The following ZFHX3 variants were observed in gnomAD, a reference collection of about 807,000 sequenced individuals.
The protein encoded by ZFHX3 is zinc finger homeobox protein 3.
ZFHX3 carries 42 observed loss-of-function variants against 279.1 expected under a neutral mutation model. The observed-to-expected ratio is 0.15, with a 90% CI of 0.12 to 0.19. The LOEUF is 0.19. ZFHX3 is among the 10% of genes least tolerant of loss of function. The pLI, the probability that ZFHX3 is intolerant of heterozygous loss-of-function variation, is 1.00. For synonymous variants in ZFHX3, 2,293 were observed against 1,957.8 expected, an observed-to-expected ratio of 1.17 and a Z score of -4.52; for missense variants, 4,981 against 4,754.0, an observed-to-expected ratio of 1.05 and a Z score of -1.40.
intron 7 of ZFHX3, among the ~76,000 whole-genome samples, chr16:72,803,480 A>T (rs1007034718): frequency 6.6e-6 from 1 of 152,132 alleles, no homozygotes; most frequent in Non-Finnish European, 1.5e-5. Flanking sequence ...GCCAAATTTC[A>T]GAGGCCCTCA....
intron 1 of ZFHX3, among the ~76,000 whole-genome samples, chr16:73,886,653 A>T (rs938792833): frequency 1.3e-5 from 2 of 152,250 alleles, no homozygotes; most frequent in African/African-American, 4.8e-5. Context: ...CCATTAATCT[A>T]GAGAGTTTTT....
intron 5 of ZFHX3, among the ~76,000 whole-genome samples, chr16:72,816,276 A>C (rs2036604487): frequency 6.6e-6 from 1 of 152,208 alleles, no homozygotes; most frequent in African/African-American, 2.4e-5. Context: ...GGTAAAAGCA[A>C]GTTCTCTCAT....
At chr16:73,543,854 C>CAGAGAGAGAGGG (rs1402198142) in intron 2 of ZFHX3, 1 of 126,724 alleles carries the variant, frequency 7.9e-6, no homozygotes, top group Non-Finnish European at 1.6e-5. Context: ...GGAGGGAGGA[C>CAGAGAGAGAGGG]AGAGAGAGAG....
At chr16:73,129,175 C>T (rs572561761) in intron 7 of ZFHX3, among the ~76,000 whole-genome samples, 2 of 152,166 alleles carry the variant, frequency 1.3e-5, no homozygotes, top group East Asian at 3.9e-4. Context: ...CACTTGAGGT[C>T]GGGAGTTTCT....
intron 1 of ZFHX3, among the ~76,000 whole-genome samples, chr16:73,689,065 GC>G (rs1288876290): frequency 6.6e-6 from 1 of 152,134 alleles, no homozygotes; most frequent in African/African-American, 2.4e-5. Flanking sequence ...AAACACAATG[GC>G]CAAACAAAAC....
chr16:72,923,095 T>C (rs1486943119), intron 3 of ZFHX3, among the ~76,000 whole-genome samples: 2 of 152,064 alleles, frequency 1.3e-5, no homozygotes, highest in Non-Finnish European at 2.9e-5. Context: ...ATGTATATGT[T>C]GTGTACATAA....
intron 2 of ZFHX3, among the ~76,000 whole-genome samples, chr16:73,624,220 C>T (rs575521945): frequency 1.3e-5 from 2 of 152,114 alleles, no homozygotes; most frequent in South Asian, 4.2e-4. Context: ...TTGTTTGAGA[C>T]TCAAGTCATG....
At chr16:72,905,350 G>A (rs1450085742) in intron 3 of ZFHX3, among the ~76,000 whole-genome samples, 2 of 151,998 alleles carry the variant, frequency 1.3e-5, no homozygotes, top group Admixed American at 6.6e-5. Context: ...AAAAGGGCTC[G>A]CCCCTCCCCA....
intron 1 of ZFHX3, among the ~76,000 whole-genome samples, chr16:73,713,585 C>A (rs1303185786): frequency 6.6e-6 from 1 of 151,894 alleles, no homozygotes; most frequent in Non-Finnish European, 1.5e-5. Flanking sequence ...CAGCCAACGG[C>A]AGCCAAACAG....
At chr16:72,954,182 C>T (rs1961133716) in intron 2 of ZFHX3, among the ~76,000 whole-genome samples, 1 of 152,104 alleles carries the variant, frequency 6.6e-6, no homozygotes, top group South Asian at 2.1e-4. Flanking sequence ...CCAGCCTGGC[C>T]AATGTGGTGA....
intron 5 of ZFHX3, among the ~76,000 whole-genome samples, chr16:73,199,719 A>G (rs1311117573): frequency 6.6e-6 from 1 of 152,222 alleles, no homozygotes; most frequent in East Asian, 1.9e-4. Flanking sequence ...CCTTGCTAAC[A>G]CAGGCTCCTT....
At chr16:73,639,331 C>A (rs1251214474) in intron 2 of ZFHX3, among the ~76,000 whole-genome samples, 3 of 151,984 alleles carry the variant, frequency 2.0e-5, no homozygotes, top group Non-Finnish European at 4.4e-5. Flanking sequence ...ACTGTTTATG[C>A]AAGAAAATCC....
At chr16:73,489,470 A>T (rs1056975298) in intron 2 of ZFHX3, among the ~76,000 whole-genome samples, 21 of 152,210 alleles carry the variant, frequency 1.4e-4, no homozygotes, top group Non-Finnish European at 2.5e-4. Flanking sequence ...TCATAGAAGC[A>T]CTAAGATTTG....
At chr16:73,714,885 C>T (rs1055290902) in intron 1 of ZFHX3, among the ~76,000 whole-genome samples, 5 of 152,178 alleles carry the variant, frequency 3.3e-5, no homozygotes, top group African/African-American at 1.2e-4. Flanking sequence ...GTCCTGCTCC[C>T]GCTCATTTAA....
chr16:72,998,785 T>C (rs1206259182), intron 1 of ZFHX3, among the ~76,000 whole-genome samples: 1 of 152,190 alleles, frequency 6.6e-6, no homozygotes, highest in Admixed American at 6.5e-5. Context: ...GCATTAACAA[T>C]TATATTTGGG....
Position 73,561,652 on chromosome 16 carries a change from T to G in ZFHX3, c.-1546-105394A>C, listed in dbSNP as rs143038393. On this transcript the variant is annotated intron_variant, in intron 2 of 17. Coordinates refer to the ZFHX3 transcript ENST00000641206. Reference sequence around the variant, plus strand: ...TCAAAATAACTAGGGTTTATTATTCTTATACTTTACTGAAGACAACTAACT... The same window carrying G: ...TCAAAATAACTAGGGTTTATTATTCGTATACTTTACTGAAGACAACTAACT... 1.3e-3 allele frequency among the ~76,000 whole-genome samples: 203 copies of G among 151,448 alleles called. 1 individual carries two copies. Among genetic ancestry groups the G allele is most frequent in the African/African-American group, 4.7e-3 (197 of 41,520 alleles).
intron 3 of ZFHX3, among the ~76,000 whole-genome samples, chr16:72,939,375 G>C (rs994635733): frequency 6.6e-6 from 1 of 152,162 alleles, no homozygotes; most frequent in African/African-American, 2.4e-5. Context: ...AATCAAACAA[G>C]CCCTGTTCGA....
intron 3 of ZFHX3, among the ~76,000 whole-genome samples, chr16:73,449,555 A>T (rs2018247718): frequency 6.6e-6 from 1 of 152,202 alleles, no homozygotes; most frequent in African/African-American, 2.4e-5. Context: ...TCGCCTAATA[A>T]AGGTAAATAA....
intron 1 of ZFHX3, among the ~76,000 whole-genome samples, chr16:73,775,619 G>C (rs373431874): frequency 3.3e-5 from 5 of 152,244 alleles, no homozygotes; most frequent in African/African-American, 1.2e-4. Flanking sequence ...CTCTAACACT[G>C]ATGAAAATAA....
Sources: allele counts gnomAD v4.1 joint callset (sites outside exome capture counted in the v4.1 genomes callset), GRCh38; gene constraint gnomAD v4.1.1; transcripts MANE v1.5; gene names NCBI Gene and HGNC (gene_info 2026-07-23, HGNC 2026-07-21).